Variants in CCDC14 observed in about 807,000 individuals in gnomAD.
CCDC14 encodes coiled-coil domain containing 14.
In CCDC14, 71 loss-of-function variants were observed where a neutral mutation model predicts 81.4. The observed-to-expected ratio is 0.87, with a 90% confidence interval of 0.72 to 1.06. The LOEUF is 1.06. Ranked by LOEUF, CCDC14 falls within the 50% of genes least tolerant of loss-of-function variation. The pLI, the probability that CCDC14 is intolerant of heterozygous loss-of-function variation, is 0.00. For synonymous variants in CCDC14, 332 were observed against 364.8 expected, an observed-to-expected ratio of 0.91 and a Z score of 1.03; for missense variants, 1,046 against 1,047.3, an observed-to-expected ratio of 1.00 and a Z score of 0.02.
chr3:123,906,813 T>C (rs996069301), intron 5 of CCDC14, among the ~76,000 whole-genome samples: 2 of 152,258 alleles, frequency 1.3e-5, no homozygotes, highest in Non-Finnish European at 2.9e-5. Context: ...AGTTTGAACC[T>C]ATAATTTTGT....
chr3:123,945,001 C>A lies in CCDC14; in HGVS notation c.1202-11G>T. 1.3e-6 allele frequency: 2 copies of A among 1,559,050 alleles called. No homozygotes were observed. Among genetic ancestry groups the A allele is most frequent in the Non-Finnish European group, 1.7e-6 (2 of 1,143,056 alleles). ...GAATTTCTGAATCCTCTATAGAAGG[C>A]AACAGAAATGAGTAAAATCAATATT... On this transcript the variant is annotated splice_polypyrimidine_tract_variant and intron_variant, in intron 8 of 12. Coordinates refer to ENST00000409697, the MANE Select transcript of CCDC14 (RefSeq NM_001366335.1).
the CCDC14 span, among the ~76,000 whole-genome samples, chr3:123,888,797 A>G: frequency 2.6e-5 from 4 of 152,190 alleles, no homozygotes; most frequent in East Asian, 3.9e-4. Context: ...CCCATGATCC[A>G]TGATTTAATC....
At chr3:123,893,690 A>G (rs2034021024), downstream of CCDC14, among the ~76,000 whole-genome samples, 1 of 152,124 alleles carries the variant, frequency 6.6e-6, no homozygotes, top group Admixed American at 6.5e-5. Flanking sequence ...CTCACCAGCA[A>G]TGCACAAGGG....
intron 9 of CCDC14, among the ~76,000 whole-genome samples, chr3:123,935,044 G>A (rs2035980831): frequency 6.6e-6 from 1 of 152,094 alleles, no homozygotes. Flanking sequence ...CTGCACATAT[G>A]TTATAGACAA....
chr3:123,933,874 C>A, intron 9 of CCDC14, 119 bp from the exon 10 acceptor site: 1 of 635,194 alleles, frequency 1.6e-6, no homozygotes, highest in South Asian at 2.2e-5. Flanking sequence ...AAGTCCATCT[C>A]ATCCCCAAAA....
rs2034619609 is a variant in CCDC14 at position 123,915,478 on chromosome 3, G to GTCTGGCTCTATGGTTTCC, written c.2001_2018dup (p.Glu667_Pro672dup). 3.1e-6 allele frequency: 5 copies of GTCTGGCTCTATGGTTTCC among 1,613,844 alleles called. No homozygotes were observed. The highest frequency in any genetic ancestry group is 2.7e-5 in the African/African-American group (2 of 74,912). ...AGGACAGAACATTTTCATAGGTTTT[G>GTCTGGCTCTATGGTTTCC]TCTGGCTCTATGGTTTCCTCATTTT... On this transcript the variant is annotated inframe_insertion, in exon 13 of 13. Transcript: ENST00000409697.
At chr3:123,910,266 T>C (rs1019881266), downstream of CCDC14, among the ~76,000 whole-genome samples, 3 of 152,170 alleles carry the variant, frequency 2.0e-5, no homozygotes, top group African/African-American at 7.2e-5. Context: ...ATGGCTAAGA[T>C]AGCCAACTCA....
chr3:123,916,381 C>T (rs1324110258), intron 12 of CCDC14, among the ~76,000 whole-genome samples: 3 of 151,910 alleles, frequency 2.0e-5, no homozygotes, highest in East Asian at 1.9e-4. Flanking sequence ...ACTGGCCTCA[C>T]AAAGGTAGGC....
intron 12 of CCDC14, among the ~76,000 whole-genome samples, chr3:123,919,243 A>G (rs1422023174): frequency 6.6e-6 from 1 of 152,194 alleles, no homozygotes; most frequent in Admixed American, 6.5e-5. Flanking sequence ...GCATCCTTAC[A>G]TATCTGCAGA....
At chr3:123,896,891 G>A (rs568129818), downstream of CCDC14, among the ~76,000 whole-genome samples, 15 of 152,128 alleles carry the variant, frequency 9.9e-5, no homozygotes, top group Middle Eastern at 3.4e-3. Flanking sequence ...AGATAATAGC[G>A]ATTTAAAGTA....
Position 123,915,111 on chromosome 3 carries a change from T to C in CCDC14, c.2386A>G (p.Lys796Glu), listed in dbSNP as rs987450559. The C allele has an allele frequency of 1.2e-6, 2 of 1,613,848 alleles. No homozygotes were observed. Among genetic ancestry groups the C allele is most frequent in the Admixed American group, 1.7e-5 (1 of 59,994 alleles). Reference sequence around the variant, plus strand: ...TTCATATCAGATGCTCTGGAAAGTTTTTCAGGTGCATCTTCTGCTTCCTTT... The same window carrying C: ...TTCATATCAGATGCTCTGGAAAGTTCTTCAGGTGCATCTTCTGCTTCCTTT... ...STKEAEDAPEKLSRASDMKDT... is the reference protein window; with the variant it reads ...STKEAEDAPEELSRASDMKDT... The change falls in exon 13 of 13, where the codon AAA becomes GAA. Residue 796 changes from lysine to glutamate, a missense_variant. Physicochemically the swap from Lys to Glu is moderately conservative, Grantham distance 56. Transcript: ENST00000409697.
In CCDC14 at chr3:123,948,416, A is replaced by AT. The variant is rs1303402392; in HGVS notation, c.684+274dup. ...GCCACCATGCCCAGCTAATTTCTGT[A>AT]TTTTTCGTAGAGGTGGGGTTTCACC... On this transcript the variant is annotated intron_variant, in intron 7 of 12. Coordinates refer to ENST00000409697, the MANE Select transcript of CCDC14 (RefSeq NM_001366335.1). 2.0e-4 allele frequency among the ~76,000 whole-genome samples: 31 copies of AT among 151,222 alleles called. 1 individual carries two copies. Among genetic ancestry groups the AT allele is most frequent in the Non-Finnish European group, 7.4e-5 (5 of 67,828 alleles).
At chr3:123,946,705 T>C in intron 8 of CCDC14, 98 bp downstream of exon 8, 4 of 1,224,428 alleles carry the variant, frequency 3.3e-6, no homozygotes, top group East Asian at 4.7e-5. Context: ...CACAGTTCTA[T>C]GGAAAATACC....
Position 123,944,943 on chromosome 3 carries a change from A to G in CCDC14, c.1249T>C (p.Ser417Pro). 1.9e-6 allele frequency: 3 copies of G among 1,610,338 alleles called. No homozygotes were observed. Among genetic ancestry groups the G allele is most frequent in the Non-Finnish European group, 2.5e-6 (3 of 1,177,320 alleles). The change falls in exon 9 of 13, where the codon TCT becomes CCT. Residue 417 changes from serine to proline, a missense_variant. Coordinates refer to ENST00000409697, the MANE Select transcript of CCDC14 (RefSeq NM_001366335.1). ...RLITEMEACI[S>P]VLPTVSGNTD... The stretch of plus-strand genomic sequence containing the variant: ...TTTCCACTTACTGTTGGAAGTACAG[A>G]TATACATGCCTCCATTTCTGTAATC...
At chr3:123,959,124 T>C (rs1439363624) in intron 1 of CCDC14, among the ~76,000 whole-genome samples, 1 of 152,250 alleles carries the variant, frequency 6.6e-6, no homozygotes, top group Non-Finnish European at 1.5e-5. Context: ...ATATCTCTTC[T>C]ATATCCTGAT....
At chr3:123,958,394 G>T in intron 1 of CCDC14, 1 of 152,014 alleles carries the variant, frequency 6.6e-6, no homozygotes, top group East Asian at 1.9e-4. Flanking sequence ...AGAAAATCTG[G>T]TAAAGAAAAC....
chr3:123,935,434 G>A (rs2036000604), intron 9 of CCDC14, among the ~76,000 whole-genome samples: 1 of 152,128 alleles, frequency 6.6e-6, no homozygotes, highest in Non-Finnish European at 1.5e-5. Flanking sequence ...AGTTTTACAT[G>A]TGCAAAAGCA....
At chr3:123,909,984 A>C (rs965490467), downstream of CCDC14, among the ~76,000 whole-genome samples, 1 of 152,204 alleles carries the variant, frequency 6.6e-6, no homozygotes, top group Non-Finnish European at 1.5e-5. Flanking sequence ...TTCATATTTC[A>C]TTATTCATGG....
intron 9 of CCDC14, 110 bp downstream of exon 9, chr3:123,944,739 G>T: frequency 2.9e-6 from 2 of 682,690 alleles, no homozygotes; most frequent in Non-Finnish European, 4.5e-6. Context: ...AATACAGTAA[G>T]ACAGCAAATA....
Sources: allele counts gnomAD v4.1 joint callset (sites outside exome capture counted in the v4.1 genomes callset), GRCh38; gene constraint gnomAD v4.1.1; transcripts MANE v1.5; gene names NCBI Gene and HGNC (gene_info 2026-07-23, HGNC 2026-07-21).